CD300C: variants seen among roughly 807,000 people sequenced by gnomAD.
CD300C encodes CMRF35-like molecule 6.
A neutral mutation model predicts 18.4 loss-of-function variants in CD300C; 11 were observed. The observed-to-expected ratio is 0.60, with a 90% CI of 0.38 to 0.99. The LOEUF (loss-of-function observed/expected upper bound fraction) is 0.99, where lower values mean the gene tolerates loss of function less well. Among genes scored for constraint, CD300C ranks in the 50% least tolerant of loss-of-function variants. The probability of loss-of-function intolerance (pLI) is 0.01; values close to 1 mark genes in which losing one functional copy is unlikely to be tolerated. For synonymous variants in CD300C, 116 were observed against 116.3 expected (o/e 1.00, Z 0.02); for missense variants, 277 against 287.4 (o/e 0.96, Z 0.26).
At chr17:74,545,605 C>T (rs1908732268) in intron 1 of CD300C, 117 bp downstream of exon 1, 2 of 816,450 alleles carry the variant, frequency 2.4e-6, no homozygotes, top group Non-Finnish European at 4.0e-6. Context: ...GCTCCTTTGC[C>T]CTCCTCCCCT....
chr17:74,535,253 G>A, the CD300C span, among the ~76,000 whole-genome samples: 4 of 152,060 alleles, frequency 2.6e-5, no homozygotes, highest in Non-Finnish European at 5.9e-5. Context: ...TGGATCACGA[G>A]GTCATCAGTT....
At chr17:74,536,425 C>A (rs1013020647), downstream of CD300C, among the ~76,000 whole-genome samples, 4 of 150,068 alleles carry the variant, frequency 2.7e-5, no homozygotes, top group East Asian at 5.9e-4. Flanking sequence ...CCCAGCTACT[C>A]GGGAGGCTGA....
chr17:74,544,445 G>A (rs531820622), intron 2 of CD300C, among the ~76,000 whole-genome samples, 164 bp downstream of exon 2: 2 of 152,040 alleles, frequency 1.3e-5, no homozygotes, highest in African/African-American at 2.4e-5. Context: ...ATGCAGGCAC[G>A]CATACACAAA....
downstream of CD300C, among the ~76,000 whole-genome samples, chr17:74,536,385 T>C (rs1162924721): frequency 1.3e-5 from 2 of 151,740 alleles, no homozygotes; most frequent in African/African-American, 4.8e-5. Context: ...TTCAAAAAAT[T>C]AGCAGGACGT....
At chr17:74,536,075 A>G (rs1014753045), downstream of CD300C, among the ~76,000 whole-genome samples, 1 of 152,218 alleles carries the variant, frequency 6.6e-6, no homozygotes, top group African/African-American at 2.4e-5. Flanking sequence ...CTTACCTGTG[A>G]AAGGGAATAT....
At chr17:74,542,583 C>A (rs974062298) in intron 3 of CD300C, among the ~76,000 whole-genome samples, 5 of 152,258 alleles carry the variant, frequency 3.3e-5, no homozygotes, top group Non-Finnish European at 7.3e-5. Flanking sequence ...CATTCATTAC[C>A]CTTTGCTGTA....
downstream of CD300C, among the ~76,000 whole-genome samples, chr17:74,536,389 A>C (rs887105479): frequency 1.3e-4 from 20 of 151,988 alleles, no homozygotes; most frequent in African/African-American, 4.8e-4. Flanking sequence ...AAAAATTAGC[A>C]GGACGTGGTG....
At chr17:74,542,214 TGAATG>T (rs4007736) in intron 3 of CD300C, among the ~76,000 whole-genome samples, 18,775 of 152,136 alleles carry the variant, frequency 0.12, 1,321 homozygotes, top group East Asian at 0.3. Context: ...AAGGAATTAA[TGAATG>T]GACAGCTCAG....
rs538942609 is a variant in CD300C, at chr17:74,545,855, G to A, written c.-73C>T. 1 of 1,213,234 alleles carries A rather than the reference G, an allele frequency of 8.2e-7. No homozygotes were observed. Among genetic ancestry groups the A allele is most frequent in the African/African-American group, 1.5e-5 (1 of 66,594 alleles). The allele number at this position is 1,213,234 out of a possible 1,614,324, so 75.2% of individuals were successfully genotyped here. On this transcript the variant is annotated 5_prime_UTR_variant, in exon 1 of 4. Coordinates refer to ENST00000330793, the MANE Select transcript of CD300C (RefSeq NM_006678.5). ...GACAAAATGTAATCTCCTCCCAGCA[G>A]ATCTGAGCTTCGCTTCTGCTTTTCT...
downstream of CD300C, chr17:74,541,067 T>C (rs930257687): frequency 6.5e-6 from 1 of 153,260 alleles, no homozygotes; most frequent in African/African-American, 2.4e-5. Flanking sequence ...ACAATGGATT[T>C]CTCACTCAGG....
chr17:74,544,548 G>A, intron 2 of CD300C, 61 bp downstream of exon 2: 1 of 1,544,404 alleles, frequency 6.5e-7, no homozygotes, highest in Non-Finnish European at 8.8e-7. Context: ...TCTTTCTTCA[G>A]GGACAGAATG....
chr17:74,544,728 G>A lies in CD300C; in HGVS notation c.281C>T (p.Thr94Ile), dbSNP rs1459141265. ...CTCTGTGAGATTCTCCAGGGTCACTGTGAAGCTGAGGTTTGCAGGACTGTC... is the reference window on the plus strand; with the variant it reads ...CTCTGTGAGATTCTCCAGGGTCACTATGAAGCTGAGGTTTGCAGGACTGTC... ...IRDSPANLSFTVTLENLTEED... is the reference protein window; with the variant it reads ...IRDSPANLSFIVTLENLTEED... Residue 94 changes from threonine (T) to isoleucine (I), a missense_variant, in exon 2 of 4, where the codon ACA becomes ATA. Transcript: ENST00000330793. 4.3e-6 allele frequency: 7 copies of A among 1,614,250 alleles called. No individual in the cohort carries two copies. Among genetic ancestry groups the A allele is most frequent in the African/African-American group, 2.7e-5 (2 of 75,070 alleles).
chr17:74,543,243 G>A (rs890226471), intron 2 of CD300C, among the ~76,000 whole-genome samples: 3 of 152,264 alleles, frequency 2.0e-5, no homozygotes, highest in African/African-American at 7.2e-5. Flanking sequence ...CAAAGGTACG[G>A]GTCTCCAGGT....
At chr17:74,536,532 C>CAAAAAAAA (rs376317178), downstream of CD300C, among the ~76,000 whole-genome samples, 1 of 109,170 alleles carries the variant, frequency 9.2e-6, no homozygotes, top group Non-Finnish European at 1.8e-5. Flanking sequence ...GACTCCGTCT[C>CAAAAAAAA]AAAAAAAAAA....
intron 1 of CD300C, among the ~76,000 whole-genome samples, 184 bp from the exon 2 acceptor site, chr17:74,545,131 G>C (rs758287886): frequency 6.6e-6 from 1 of 152,194 alleles, no homozygotes; most frequent in Non-Finnish European, 1.5e-5. Flanking sequence ...GGAAGGGCAT[G>C]GGAAGTTTCC....
At chr17:74,537,121 AAGG>A (rs1324376919), downstream of CD300C, among the ~76,000 whole-genome samples, 2 of 151,684 alleles carry the variant, frequency 1.3e-5, no homozygotes, top group African/African-American at 2.4e-5. Context: ...AAAGAGGAGA[AAGG>A]AGGGACAAGA....
chr17:74,545,400 G>A (rs1041285978), intron 1 of CD300C, among the ~76,000 whole-genome samples: 4 of 152,074 alleles, frequency 2.6e-5, no homozygotes, highest in East Asian at 1.9e-4. Context: ...GAGTGTGACC[G>A]TGTGTGCGTG....
At chr17:74,539,075 G>A (rs1440841853), downstream of CD300C, among the ~76,000 whole-genome samples, 6 of 152,270 alleles carry the variant, frequency 3.9e-5, no homozygotes, top group East Asian at 1.9e-4. Context: ...TGTCTGTCCC[G>A]GAGGGCATCA....
At chr17:74,542,344 C>CCCTGG (rs1320635542) in intron 3 of CD300C, among the ~76,000 whole-genome samples, 15 of 152,146 alleles carry the variant, frequency 9.9e-5, no homozygotes, top group African/African-American at 3.1e-4. Context: ...CTGCCCCCTT[C>CCCTGG]CCTGGCCTGG....
Sources: allele counts gnomAD v4.1 joint callset (sites outside exome capture counted in the v4.1 genomes callset), GRCh38; gene constraint gnomAD v4.1.1; transcripts MANE v1.5; gene names NCBI Gene and HGNC (gene_info 2026-07-23, HGNC 2026-07-21).